MINPP1: variants seen among roughly 807,000 people sequenced by gnomAD.
The protein encoded by MINPP1 is multiple inositol polyphosphate phosphatase 1.
MINPP1 carries 28 observed loss-of-function variants against 46.1 expected under a neutral mutation model. That is an observed-to-expected ratio of 0.61 (90% CI 0.45 to 0.83). The LOEUF (loss-of-function observed/expected upper bound fraction) is 0.83, where lower values mean the gene tolerates loss of function less well. MINPP1 is among the 40% of genes least tolerant of loss of function. The pLI, the probability that MINPP1 is intolerant of heterozygous loss-of-function variation, is 0.00. For synonymous variants in MINPP1, 268 were observed against 249.1 expected, an observed-to-expected ratio of 1.08 and a Z score of -0.72; for missense variants, 603 against 610.0, an observed-to-expected ratio of 0.99 and a Z score of 0.12.
chr10:87,548,057 T>TC (rs1288666662), intron 4 of MINPP1, among the ~76,000 whole-genome samples: 1 of 152,166 alleles, frequency 6.6e-6, no homozygotes, highest in African/African-American at 2.4e-5. Context: ...TCTTAGTTTT[T>TC]CCCTCTCTAA....
At chr10:87,544,320 G>A (rs1441910255) in intron 4 of MINPP1, among the ~76,000 whole-genome samples, 1 of 152,150 alleles carries the variant, frequency 6.6e-6, no homozygotes, top group East Asian at 1.9e-4. Flanking sequence ...GCCCTCCCAG[G>A]GCCACACCGC....
intron 4 of MINPP1, among the ~76,000 whole-genome samples, chr10:87,536,977 G>A (rs926878316): frequency 1.3e-5 from 2 of 151,856 alleles, no homozygotes; most frequent in Non-Finnish European, 2.9e-5. Flanking sequence ...TACTCTGTTG[G>A]CCAGGCTAGA....
intron 4 of MINPP1, among the ~76,000 whole-genome samples, chr10:87,529,861 C>G (rs112561525): frequency 6.6e-6 from 1 of 152,218 alleles, no homozygotes. Context: ...TAGATTTGGT[C>G]TTTTCACATA....
chr10:87,525,722 G>T (rs974056612), intron 4 of MINPP1, among the ~76,000 whole-genome samples: 1 of 151,740 alleles, frequency 6.6e-6, no homozygotes, highest in Admixed American at 6.6e-5. Context: ...ACAGGCCCAC[G>T]CCATGACAGG....
chr10:87,550,691 T>C (rs1851951042), intron 4 of MINPP1, among the ~76,000 whole-genome samples: 1 of 151,978 alleles, frequency 6.6e-6, no homozygotes, highest in Admixed American at 6.6e-5. Context: ...TGTTCAGAAG[T>C]ATGATGGGTT....
At chr10:87,517,810 C>T (rs374651247) in intron 3 of MINPP1, among the ~76,000 whole-genome samples, 4 of 152,108 alleles carry the variant, frequency 2.6e-5, no homozygotes, top group Non-Finnish European at 2.9e-5. Context: ...CACAGGCATC[C>T]GCCACCACAC....
rs749780429 is a variant in MINPP1 at position 87,552,296 on chromosome 10, C to G, written c.1282C>G (p.Pro428Ala). 3 of 1,613,774 alleles carry G rather than the reference C, an allele frequency of 1.9e-6. No individual in the cohort carries two copies. The highest frequency in any genetic ancestry group is 2.5e-6 in the Non-Finnish European group (3 of 1,179,806). The change falls in exon 5 of 5, where the codon CCT becomes GCT. Residue 428 changes from proline to alanine, a missense_variant. Transcript: ENST00000371996. The part of the protein sequence containing the change: ...VLYHCENAKT[P>A]KEQFRVQMLL... Reference sequence around the variant, plus strand: ...TTACCACTGTGAAAATGCTAAGACTCCTAAAGAACAATTCCGAGTGCAGAT... The same window carrying G: ...TTACCACTGTGAAAATGCTAAGACTGCTAAAGAACAATTCCGAGTGCAGAT...
chr10:87,546,999 AAATTG>A (rs1420181580), intron 4 of MINPP1, among the ~76,000 whole-genome samples: 1 of 152,196 alleles, frequency 6.6e-6, no homozygotes, highest in African/African-American at 2.4e-5. Context: ...TGCTTTTGCC[AAATTG>A]CATGTTGCTG....
chr10:87,549,664 T>G (rs1197607949), intron 4 of MINPP1, among the ~76,000 whole-genome samples: 2 of 152,228 alleles, frequency 1.3e-5, no homozygotes, highest in Non-Finnish European at 2.9e-5. Context: ...AGAGTTCTTC[T>G]GTGGGGGAAA....
At chr10:87,522,877 T>C (rs1288173656) in intron 4 of MINPP1, among the ~76,000 whole-genome samples, 2 of 152,240 alleles carry the variant, frequency 1.3e-5, no homozygotes, top group African/African-American at 2.4e-5. Context: ...ATTTTAAAAT[T>C]GGAGTCAATC....
chr10:87,505,233 C>A lies in MINPP1; in HGVS notation c.318C>A (p.His106Gln). Residue 106 changes from histidine to glutamine, a missense_variant, in exon 1 of 5, where the codon CAC becomes CAA. By Grantham distance (24) the His-to-Gln change is conservative. Around this residue, in one of 3 missense-constraint regions of MINPP1, gnomAD observed 239 missense variants for 189.4 expected, o/e 1.26. Coordinates refer to ENST00000371996, the MANE Select transcript of MINPP1 (RefSeq NM_004897.5). The surrounding 1 kb of genome is among the most constrained non-coding windows in gnomAD (Gnocchi z 4.4). ...VKQIRKLRQL[H>Q]GLLQARGSRD... ...AGATCCGCAAGCTGAGGCAGCTGCA[C>A]GGGTTGCTGCAGGCCCGCGGGTCCA... 6.2e-7 allele frequency: 1 copy of A among 1,612,540 alleles called. No individual in the cohort carries two copies. Among genetic ancestry groups the A allele is most frequent in the Non-Finnish European group, 8.5e-7 (1 of 1,179,274 alleles).
At chr10:87,510,265 A>G (rs921156572) in intron 2 of MINPP1, among the ~76,000 whole-genome samples, 1 of 152,236 alleles carries the variant, frequency 6.6e-6, no homozygotes, top group African/African-American at 2.4e-5. Context: ...CCTTTTGTTT[A>G]CATAGGGGGT....
intron 4 of MINPP1, among the ~76,000 whole-genome samples, chr10:87,528,968 CTTCT>C (rs1851618360): frequency 6.6e-6 from 1 of 152,146 alleles, no homozygotes; most frequent in Non-Finnish European, 1.5e-5. Context: ...ATGTAATGGC[CTTCT>C]TTGTCTCTTT....
intron 4 of MINPP1, among the ~76,000 whole-genome samples, chr10:87,539,636 A>C (rs1851784848): frequency 6.6e-6 from 1 of 152,350 alleles, no homozygotes; most frequent in Middle Eastern, 3.4e-3. Context: ...ATTCCTCAGG[A>C]TGTCACATTG....
At chr10:87,522,280 C>A (rs1252806711) in intron 4 of MINPP1, among the ~76,000 whole-genome samples, 1 of 151,992 alleles carries the variant, frequency 6.6e-6, no homozygotes, top group East Asian at 1.9e-4. Context: ...GACATAATTA[C>A]TGAAAATGTT....
rs780542979 is a variant in MINPP1, at chr10:87,505,451, T to A, written c.536T>A (p.Leu179His). 3.1e-6 allele frequency: 5 copies of A among 1,613,344 alleles called. No individual in the cohort carries two copies. Among genetic ancestry groups the A allele is most frequent in the Non-Finnish European group, 4.2e-6 (5 of 1,179,584 alleles). Residue 179 changes from leucine (L) to histidine (H), a missense_variant, in exon 1 of 5, where the codon CTC (leucine) becomes CAC (histidine). This residue lies in a region of MINPP1 where 344 missense variants were observed against 381.1 expected (regional missense o/e 0.90). Coordinates refer to ENST00000371996, the MANE Select transcript of MINPP1 (RefSeq NM_004897.5). The surrounding 1 kb of genome is among the most constrained non-coding windows in gnomAD (Gnocchi z 4.4). ...CGTGAGAACTACGGCCGCCTGCGGC[T>A]CATCACCAGTTCCAAGCACCGCTGC... ...FSRENYGRLR[L>H]ITSSKHRCMD...
chr10:87,512,578 A>G (rs1851350736), intron 2 of MINPP1, among the ~76,000 whole-genome samples: 1 of 152,206 alleles, frequency 6.6e-6, no homozygotes, highest in Non-Finnish European at 1.5e-5. Context: ...TGTTATTTGT[A>G]ATTTTCAAGT....
intron 4 of MINPP1, among the ~76,000 whole-genome samples, chr10:87,522,075 A>C (rs1290186157): frequency 6.6e-6 from 1 of 152,240 alleles, no homozygotes; most frequent in South Asian, 2.1e-4. Flanking sequence ...TAAGATATCT[A>C]ACTCTTTAAT....
In MINPP1 at chr10:87,516,805, C is replaced by A. The variant is rs1050217975; in HGVS notation, c.933+3584C>A. The stretch of plus-strand genomic sequence containing the variant: ...GTGTTTTCCTTCTCTGAAATTATTT[C>A]TCCGTAATTGTGTATTTTTGCTTTC... On this transcript the variant is annotated intron_variant, in intron 3 of 4. Coordinates refer to ENST00000371996, the MANE Select transcript of MINPP1 (RefSeq NM_004897.5). Among the ~76,000 whole-genome samples the A allele has an allele frequency of 2.8e-4, 11 of 38,618 alleles. 2 individuals carry two copies. The highest frequency in any genetic ancestry group is 1.4e-3 in the East Asian group (3 of 2,162). 25.3% of individuals were successfully genotyped at this position (38,618 alleles called of 152,430 possible).
Sources: gnomAD v4.1 joint callset for allele counts (sites outside exome capture counted in the v4.1 genomes callset) on GRCh38, gnomAD v4.1.1 for gene constraint, gnomAD v4.1.1 regional missense constraint, Gnocchi (gnomAD v3.1) non-coding constraint, MANE v1.5 for transcripts, NCBI Gene and HGNC (gene_info 2026-07-23, HGNC 2026-07-21) for gene names.